The following COL21A1 variants were observed in gnomAD, a reference collection of about 807,000 sequenced individuals.
COL21A1 encodes collagen alpha-1(XXI) chain.
COL21A1 carries 149 observed loss-of-function variants against 137.9 expected under a neutral mutation model. That is an observed-to-expected ratio of 1.08 (90% CI 0.95 to 1.24). The LOEUF (loss-of-function observed/expected upper bound fraction) is 1.24, where lower values mean the gene tolerates loss of function less well. COL21A1 is among the 50% of genes most tolerant of loss of function. The pLI is 0.00. For synonymous variants in COL21A1, 456 were observed against 391.5 expected, an observed-to-expected ratio of 1.16 and a Z score of -1.95; for missense variants, 1,167 against 1,158.4, an observed-to-expected ratio of 1.01 and a Z score of -0.11.
chr6:56,142,062 CTT>C, intron 10 of COL21A1, 79 bp from the exon 11 acceptor site: 1 of 1,067,146 alleles, frequency 9.4e-7, no homozygotes, highest in Non-Finnish European at 1.3e-6. Context: ...AGAATTCACT[CTT>C]ATCTCAAGTT....
intron 17 of COL21A1, among the ~76,000 whole-genome samples, chr6:56,095,073 T>C (rs895717108): frequency 6.6e-5 from 10 of 152,196 alleles, no homozygotes; most frequent in African/African-American, 2.2e-4. Flanking sequence ...TCATCTAAAA[T>C]TTCCTTGGAT....
At chr6:56,169,233 T>C (rs768952430) in intron 5 of COL21A1, among the ~76,000 whole-genome samples, 1 of 151,978 alleles carries the variant, frequency 6.6e-6, no homozygotes, top group Non-Finnish European at 1.5e-5. Flanking sequence ...CTCTCACCCT[T>C]TCATTTCCAA....
chr6:56,127,611 TTA>T (rs1773151614), intron 12 of COL21A1, among the ~76,000 whole-genome samples: 1 of 152,194 alleles, frequency 6.6e-6, no homozygotes, highest in South Asian at 2.1e-4. Flanking sequence ...TTCTATTCAT[TTA>T]TATAATTGAT....
intron 10 of COL21A1, among the ~76,000 whole-genome samples, chr6:56,150,492 T>TG (rs1298284329): frequency 6.8e-6 from 1 of 147,080 alleles, no homozygotes; most frequent in Non-Finnish European, 1.5e-5. Flanking sequence ...CGCTCCAGCC[T>TG]GGGCGACAGA....
chr6:56,255,922 C>T (rs895478402), intron 1 of COL21A1, among the ~76,000 whole-genome samples: 3 of 152,106 alleles, frequency 2.0e-5, no homozygotes, highest in Admixed American at 6.5e-5. Context: ...GAACCTGAAC[C>T]ACAACAATTC....
intron 17 of COL21A1, among the ~76,000 whole-genome samples, chr6:56,099,849 T>TTA (rs1204458780): frequency 6.6e-6 from 1 of 152,148 alleles, no homozygotes; most frequent in Non-Finnish European, 1.5e-5. Context: ...CCATGCTTAT[T>TTA]AATACCCTAG....
intron 1 of COL21A1, among the ~76,000 whole-genome samples, chr6:56,296,815 A>G (rs1435955882): frequency 1.3e-5 from 2 of 152,012 alleles, no homozygotes; most frequent in Non-Finnish European, 1.5e-5. Context: ...TTGAGAAATC[A>G]TGTACTCTAG....
chr6:56,318,459 A>G (rs957368145), intron 1 of COL21A1, among the ~76,000 whole-genome samples: 22 of 152,074 alleles, frequency 1.4e-4, no homozygotes, highest in African/African-American at 4.6e-4. Flanking sequence ...TCAACCCTTC[A>G]ACACCTTCAC....
intron 17 of COL21A1, among the ~76,000 whole-genome samples, chr6:56,093,124 A>C (rs1562180950): frequency 6.6e-6 from 1 of 152,120 alleles, no homozygotes; most frequent in African/African-American, 2.4e-5. Context: ...ATACTCATTC[A>C]TATCTACAAA....
chr6:56,220,596 G>A (rs753887663), intron 1 of COL21A1, among the ~76,000 whole-genome samples: 2 of 152,090 alleles, frequency 1.3e-5, no homozygotes, highest in East Asian at 3.9e-4. Context: ...TCATAACAGA[G>A]TCGGAAGGAC....
chr6:56,289,812 G>A (rs977044746), intron 1 of COL21A1, among the ~76,000 whole-genome samples: 1 of 152,070 alleles, frequency 6.6e-6, no homozygotes, highest in Admixed American at 6.5e-5. Context: ...GTTGCCAGAT[G>A]GAGGTCGTTA....
intron 1 of COL21A1, among the ~76,000 whole-genome samples, chr6:56,350,739 T>C (rs1216603958): frequency 5.9e-5 from 9 of 152,132 alleles, no homozygotes; most frequent in Admixed American, 5.9e-4. Flanking sequence ...TCCCCACCAG[T>C]TGGGGCTACT....
At chr6:56,355,131 T>C (rs1042021345) in intron 1 of COL21A1, among the ~76,000 whole-genome samples, 9 of 151,446 alleles carry the variant, frequency 5.9e-5, no homozygotes, top group African/African-American at 2.2e-4. Flanking sequence ...CTTTGCAATC[T>C]CTAATGAAGT....
intron 3 of COL21A1, among the ~76,000 whole-genome samples, chr6:56,172,784 A>G (rs2764042): frequency 3.3e-5 from 5 of 152,158 alleles, no homozygotes; most frequent in African/African-American, 4.8e-5. Flanking sequence ...AACAAAGGAC[A>G]GGTAGCAAAA....
chr6:56,363,433 C>T (rs955926153), intron 1 of COL21A1, among the ~76,000 whole-genome samples: 8 of 152,172 alleles, frequency 5.3e-5, no homozygotes, highest in Non-Finnish European at 1.2e-4. Flanking sequence ...AGAGGCCACA[C>T]CACTAGGAAA....
Position 56,276,687 on chromosome 6 carries a change from A to G in COL21A1, c.-38-94031T>C, listed in dbSNP as rs878886715. 3.6e-4 allele frequency: 519 copies of G among 1,439,572 alleles called. 3 individuals carry two copies. In the South Asian group the frequency reaches 4.2e-3, roughly 12 times the overall value. 89.2% of individuals were successfully genotyped at this position (1,439,572 alleles called of 1,614,324 possible). A position where few individuals can be genotyped will look rare whatever the true frequency, so the allele number is the denominator to read the frequency against. On this transcript the variant is annotated intron_variant, in intron 1 of 28. Transcript: ENST00000370819. ...AAAGTCCTGCATGATCCTTGTCACA[A>G]ATAGTTTAAGATGGCCTGGGTGATT...
chr6:56,179,873 C>T lies in COL21A1; in HGVS notation c.345G>A (p.Lys115=). The T allele has an allele frequency of 1.9e-6, 3 of 1,613,968 alleles. No individual in the cohort carries two copies. The highest frequency in any genetic ancestry group is 2.5e-6 in the Non-Finnish European group (3 of 1,179,866). The change falls in exon 3 of 30, where the codon AAG becomes AAA. Residue 115 remains lysine, a synonymous_variant. Transcript: ENST00000244728. ...GCGCAAACTGGATGGCCTTCCCTGTCTTTGTGTTTCCTCCTAAGTAGAGTA... is the reference window on the plus strand; with the variant it reads ...GCGCAAACTGGATGGCCTTCCCTGTTTTTGTGTTTCCTCCTAAGTAGAGTA... ...ESILYLGGNT[K]TGKAIQFALD... is the part of the protein sequence containing the mutation.
chr6:56,317,545 C>G (rs976488573), intron 1 of COL21A1, among the ~76,000 whole-genome samples: 1 of 152,128 alleles, frequency 6.6e-6, no homozygotes, highest in African/African-American at 2.4e-5. Context: ...AATACCCCAG[C>G]CTCTTAATTC....
chr6:56,081,963 A>C (rs1468302723), intron 17 of COL21A1, among the ~76,000 whole-genome samples: 5 of 151,968 alleles, frequency 3.3e-5, no homozygotes, highest in Non-Finnish European at 7.4e-5. Context: ...ATATCATAGG[A>C]AGGAAAAGCC....
Sources: allele counts gnomAD v4.1 joint callset (sites outside exome capture counted in the v4.1 genomes callset), GRCh38; gene constraint gnomAD v4.1.1; transcripts MANE v1.5; gene names NCBI Gene and HGNC (gene_info 2026-07-23, HGNC 2026-07-21).